The following ZMAT4 variants were observed in gnomAD, a reference collection of about 807,000 sequenced individuals.
ZMAT4 encodes the protein zinc finger matrin-type protein 4.
In ZMAT4, 17 loss-of-function variants were observed where a neutral mutation model predicts 28.7. The observed-to-expected ratio is 0.59, with a 90% CI of 0.41 to 0.89. The LOEUF (loss-of-function observed/expected upper bound fraction) is 0.89. ZMAT4 is among the 40% of genes least tolerant of loss of function. The probability of loss-of-function intolerance (pLI) is 0.00; values close to 1 mark genes in which losing one functional copy is unlikely to be tolerated. For missense variants in ZMAT4, 240 were observed against 283.8 expected (o/e 0.85, Z 1.11); for synonymous variants, 117 against 109.2 (o/e 1.07, Z -0.44).
In ZMAT4 at chr8:40,758,098, T is replaced by C. The variant is rs140919544; in HGVS notation, c.192+9543A>G. 5.1e-3 allele frequency among the ~76,000 whole-genome samples: 780 copies of C among 152,286 alleles called. 6 individuals are homozygous for C. The highest frequency in any genetic ancestry group is 0.018 in the African/African-American group (738 of 41,560). On this transcript the variant is annotated intron_variant, in intron 3 of 6. Transcript: ENST00000297737. ...AGGTCTCGGGACTTGGACTGGCTTC[T>C]TTTTTCCTCAGCTTGCAGGCGGCCT...
chr8:40,715,148 G>C (rs912582033), intron 3 of ZMAT4, among the ~76,000 whole-genome samples: 2 of 152,066 alleles, frequency 1.3e-5, no homozygotes, highest in Non-Finnish European at 2.9e-5. Context: ...TGAGGAACTG[G>C]GGAACAGCAT....
rs903099051 is a variant in ZMAT4 at position 40,889,951 on chromosome 8, C to T, written c.-5+7732G>A. Among the ~76,000 whole-genome samples the T allele has an allele frequency of 4.6e-5, 7 of 152,246 alleles. No homozygotes were observed. In the East Asian group the frequency reaches 1.2e-3, roughly 25 times the overall value. ...TCCAAATTATCTCATTTCACATATCCACCAGCTAAGTCTAAAAATGTCCAT... is the reference window on the plus strand; with the variant it reads ...TCCAAATTATCTCATTTCACATATCTACCAGCTAAGTCTAAAAATGTCCAT... On this transcript the variant is annotated intron_variant, in intron 1 of 6. Transcript: ENST00000297737.
chr8:40,762,438 C>G (rs1399002290), intron 3 of ZMAT4, among the ~76,000 whole-genome samples: 1 of 152,014 alleles, frequency 6.6e-6, no homozygotes, highest in African/African-American at 2.4e-5. Flanking sequence ...GAGGATCACT[C>G]AAAGCCAGGA....
At chr8:40,582,679 G>C (rs1310029318) in intron 5 of ZMAT4, among the ~76,000 whole-genome samples, 3 of 152,178 alleles carry the variant, frequency 2.0e-5, no homozygotes, top group Non-Finnish European at 2.9e-5. Context: ...GGATAGCTTT[G>C]CAACTTGCTA....
chr8:40,680,919 G>T (rs1338370394), intron 4 of ZMAT4, among the ~76,000 whole-genome samples: 1 of 152,106 alleles, frequency 6.6e-6, no homozygotes, highest in East Asian at 1.9e-4. Context: ...TTGATATAGA[G>T]AAATAAAGCC....
chr8:40,751,528 A>C (rs954893575), intron 3 of ZMAT4, among the ~76,000 whole-genome samples: 1 of 152,030 alleles, frequency 6.6e-6, no homozygotes, highest in Non-Finnish European at 1.5e-5. Context: ...CACCCACAAG[A>C]AATCCATCCC....
intron 3 of ZMAT4, among the ~76,000 whole-genome samples, chr8:40,701,621 G>T (rs1421407577): frequency 7.1e-6 from 1 of 140,678 alleles, no homozygotes; most frequent in Non-Finnish European, 1.5e-5. Flanking sequence ...GGGTTCCAGT[G>T]ATTCTCCCAT....
chr8:40,650,295 C>T (rs1401989065), intron 5 of ZMAT4, among the ~76,000 whole-genome samples: 1 of 151,852 alleles, frequency 6.6e-6, no homozygotes, highest in East Asian at 1.9e-4. Flanking sequence ...ATACTACAAA[C>T]ACGTCTATGC....
At chr8:40,669,056 G>A (rs1808562985) in intron 5 of ZMAT4, among the ~76,000 whole-genome samples, 1 of 152,144 alleles carries the variant, frequency 6.6e-6, no homozygotes, top group Non-Finnish European at 1.5e-5. Context: ...GGACAGGACT[G>A]TGGACACTAT....
intron 5 of ZMAT4, among the ~76,000 whole-genome samples, chr8:40,607,442 C>A (rs1056248582): frequency 1.8e-4 from 28 of 151,942 alleles, no homozygotes; most frequent in African/African-American, 6.0e-4. Context: ...TATCTTGTAT[C>A]CTTTTTAAAA....
At chr8:40,796,872 G>A (rs1409552121) in intron 2 of ZMAT4, among the ~76,000 whole-genome samples, 2 of 152,146 alleles carry the variant, frequency 1.3e-5, no homozygotes, top group Admixed American at 6.5e-5. Flanking sequence ...GCTGTGCTCG[G>A]AGATCTCATC....
intron 5 of ZMAT4, among the ~76,000 whole-genome samples, chr8:40,635,573 G>A (rs1806761098): frequency 6.6e-6 from 1 of 152,156 alleles, no homozygotes; most frequent in African/African-American, 2.4e-5. Flanking sequence ...TCTATTCCCT[G>A]GTATTAGAGG....
chr8:40,681,705 T>A (rs534552254), intron 4 of ZMAT4, among the ~76,000 whole-genome samples: 146 of 152,378 alleles, frequency 9.6e-4, no homozygotes, highest in African/African-American at 3.5e-3. Flanking sequence ...TACTGGTGAC[T>A]TTTAATATCA....
At chr8:40,893,135 T>C (rs1374900649) in intron 1 of ZMAT4, among the ~76,000 whole-genome samples, 3 of 152,226 alleles carry the variant, frequency 2.0e-5, no homozygotes, top group Admixed American at 6.5e-5. Context: ...CATCCCCTCC[T>C]AAACCAAAAT....
intron 6 of ZMAT4, among the ~76,000 whole-genome samples, chr8:40,572,690 AT>A (rs990805599): frequency 2.6e-5 from 4 of 152,174 alleles, no homozygotes; most frequent in African/African-American, 9.6e-5. Flanking sequence ...AAGTCTACTA[AT>A]AGGCAATTGC....
At chr8:40,653,786 C>CA (rs1040748566) in intron 5 of ZMAT4, among the ~76,000 whole-genome samples, 32 of 151,848 alleles carry the variant, frequency 2.1e-4, no homozygotes, top group Non-Finnish European at 2.9e-4. Flanking sequence ...ATATTTCATA[C>CA]AAAAAAAGAG....
At chr8:40,695,727 C>T (rs1809853955) in intron 4 of ZMAT4, among the ~76,000 whole-genome samples, 1 of 140,792 alleles carries the variant, frequency 7.1e-6, no homozygotes, top group African/African-American at 2.7e-5. Context: ...TGTCTTGAAG[C>T]TGTATTTAAA....
At chr8:40,876,698 A>T (rs994484835) in intron 1 of ZMAT4, among the ~76,000 whole-genome samples, 1 of 152,236 alleles carries the variant, frequency 6.6e-6, no homozygotes, top group African/African-American at 2.4e-5. Flanking sequence ...AGAACATACA[A>T]AATATGTGTG....
At chr8:40,611,610 G>A (rs1427488828) in intron 5 of ZMAT4, among the ~76,000 whole-genome samples, 2 of 152,160 alleles carry the variant, frequency 1.3e-5, no homozygotes, top group Non-Finnish European at 2.9e-5. Context: ...AAAGTGCTGG[G>A]ATTACAGGCG....
Sources: gnomAD v4.1 joint callset for allele counts (sites outside exome capture counted in the v4.1 genomes callset) on GRCh38, gnomAD v4.1.1 for gene constraint, MANE v1.5 for transcripts, NCBI Gene and HGNC (gene_info 2026-07-23, HGNC 2026-07-21) for gene names.